ACTR3C: variants seen among roughly 807,000 people sequenced by gnomAD.
The protein encoded by ACTR3C is actin related protein 3C, also known as actin-related protein 3C.
In ACTR3C, 18 loss-of-function variants were observed where a neutral mutation model predicts 26.3. The observed-to-expected ratio is 0.68, with a 90% CI of 0.47 to 1.01. The LOEUF (loss-of-function observed/expected upper bound fraction) is 1.01. Ranked by LOEUF, ACTR3C falls within the 50% of genes least tolerant of loss-of-function variation. The probability of loss-of-function intolerance (pLI) is 0.00; values close to 1 mark genes in which losing one functional copy is unlikely to be tolerated. For synonymous variants in ACTR3C, 55 were observed against 94.5 expected, an observed-to-expected ratio of 0.58 and a Z score of 2.42; for missense variants, 184 against 250.7, an observed-to-expected ratio of 0.73 and a Z score of 1.80.
intron 1 of ACTR3C, chr7:150,323,260 C>T: frequency 4.0e-6 from 1 of 247,834 alleles, no homozygotes; most frequent in South Asian, 3.6e-5. Context: ...CGCGAAGACC[C>T]CCGCAGGCTG....
In ACTR3C at chr7:150,274,489, C is replaced by G. The variant is rs1288759430; in HGVS notation, c.564+10264G>C. 1.3e-5 allele frequency among the ~76,000 whole-genome samples: 2 copies of G among 152,212 alleles called. No individual in the cohort carries two copies. The highest frequency in any genetic ancestry group is 1.3e-4 in the Admixed American group (2 of 15,290). ...AATGTGTGTGGCTCACTTCATTGCA[C>G]CATTCACTTCACTGGGATGGTCCGA... is the stretch of plus-strand genomic sequence containing the variant. On this transcript the variant is annotated intron_variant, in intron 6 of 7. Transcript: ENST00000683684. The surrounding 1 kb of genome is among the most constrained non-coding windows in gnomAD (Gnocchi z 4.1).
At chr7:149,978,706 C>T in the ACTR3C span, among the ~76,000 whole-genome samples, 2 of 151,818 alleles carry the variant, frequency 1.3e-5, no homozygotes, top group Non-Finnish European at 2.9e-5. Context: ...GTACTGGTAA[C>T]ACTAGGCCCA....
intron 6 of ACTR3C, among the ~76,000 whole-genome samples, chr7:150,259,289 GAA>G (rs1278829263): frequency 3.1e-4 from 41 of 132,200 alleles, no homozygotes; most frequent in African/African-American, 1.5e-3. Context: ...AAGAAAGAAA[GAA>G]AAAGAAAGAA....
chr7:150,127,619 TAAAATACCAACAACTAGA>T, the ACTR3C span, among the ~76,000 whole-genome samples: 2 of 152,308 alleles, frequency 1.3e-5, no homozygotes, highest in East Asian at 3.9e-4. Context: ...AATGCTTAAA[TAAAATACCAACAACTAGA>T]AAGCAGAAAA....
chr7:149,893,058 C>T, the ACTR3C span, among the ~76,000 whole-genome samples: 45 of 152,148 alleles, frequency 3.0e-4, no homozygotes, highest in Admixed American at 1.2e-3. Context: ...AGTAAATAAT[C>T]ATATCAAACT....
At chr7:149,896,013 C>T in the ACTR3C span, among the ~76,000 whole-genome samples, 17 of 104,726 alleles carry the variant, frequency 1.6e-4, no homozygotes, top group African/African-American at 6.4e-4. Flanking sequence ...GTCTGGGCAA[C>T]ATGGTGAAAA....
the ACTR3C span, among the ~76,000 whole-genome samples, chr7:149,929,199 G>T: frequency 6.6e-6 from 1 of 152,018 alleles, no homozygotes; most frequent in African/African-American, 2.4e-5. Flanking sequence ...AGGCCAAGGC[G>T]GGTGGATTGC....
At chr7:150,321,393 G>A (rs553249965) in intron 1 of ACTR3C, among the ~76,000 whole-genome samples, 27 of 152,236 alleles carry the variant, frequency 1.8e-4, no homozygotes, top group Non-Finnish European at 2.8e-4. Flanking sequence ...TCCATATAAT[G>A]GAGAAACTAA....
the ACTR3C span, among the ~76,000 whole-genome samples, chr7:150,009,248 G>A: frequency 6.6e-6 from 1 of 152,250 alleles, no homozygotes; most frequent in Non-Finnish European, 1.5e-5. Context: ...CACTCCAAAA[G>A]TGTGGTCACA....
At chr7:150,226,234 A>G in the ACTR3C span, among the ~76,000 whole-genome samples, 4 of 152,224 alleles carry the variant, frequency 2.6e-5, no homozygotes, top group African/African-American at 4.8e-5. Context: ...TTGCTGGATC[A>G]TATGGTGAGA....
At chr7:150,124,055 C>G in the ACTR3C span, among the ~76,000 whole-genome samples, 5 of 152,164 alleles carry the variant, frequency 3.3e-5, no homozygotes, top group Non-Finnish European at 5.9e-5. Context: ...TGGGCATCCT[C>G]TTGATGAATT....
chr7:150,241,086 A>C (rs1344696121), downstream of ACTR3C, among the ~76,000 whole-genome samples: 1 of 151,972 alleles, frequency 6.6e-6, no homozygotes, highest in Non-Finnish European at 1.5e-5. Flanking sequence ...TTTATGAATC[A>C]GAAAACTCAA....
chr7:150,003,670 T>A, the ACTR3C span, among the ~76,000 whole-genome samples: 1 of 151,942 alleles, frequency 6.6e-6, no homozygotes, highest in African/African-American at 2.4e-5. Flanking sequence ...GTGTGGTATA[T>A]AGTGCAGTGT....
the ACTR3C span, among the ~76,000 whole-genome samples, chr7:149,941,853 C>T: frequency 6.6e-6 from 1 of 152,110 alleles, no homozygotes; most frequent in African/African-American, 2.4e-5. Flanking sequence ...GAAGCCCTGC[C>T]TATGGAAAAC....
the ACTR3C span, among the ~76,000 whole-genome samples, chr7:150,112,608 TCA>T: frequency 6.6e-6 from 1 of 152,136 alleles, no homozygotes; most frequent in African/African-American, 2.4e-5. Flanking sequence ...CTTGTCACCC[TCA>T]GTTTGATGCA....
At chr7:150,264,899 C>T (rs1313939800) in intron 6 of ACTR3C, 1 of 970,394 alleles carries the variant, frequency 1.0e-6, no homozygotes, top group African/African-American at 1.8e-5. Flanking sequence ...AGATCAAATA[C>T]AAAAGAGGAC....
chr7:149,906,292 G>T, the ACTR3C span, among the ~76,000 whole-genome samples: 2 of 151,156 alleles, frequency 1.3e-5, no homozygotes, highest in Non-Finnish European at 2.9e-5. Flanking sequence ...AGAGAGGGCT[G>T]ATACTCAACC....
chr7:150,120,299 G>T, the ACTR3C span, among the ~76,000 whole-genome samples: 2 of 152,032 alleles, frequency 1.3e-5, no homozygotes, highest in Non-Finnish European at 2.9e-5. Flanking sequence ...CCAGGAGCTG[G>T]TTTTTTCAAA....
chr7:150,273,541 A>G (rs1834614659), intron 6 of ACTR3C, among the ~76,000 whole-genome samples: 1 of 150,842 alleles, frequency 6.6e-6, no homozygotes, highest in African/African-American at 2.5e-5. Flanking sequence ...TGATGGGATT[A>G]CAGAGGCGTG....
Sources: allele counts gnomAD v4.1 joint callset (sites outside exome capture counted in the v4.1 genomes callset), GRCh38; gene constraint gnomAD v4.1.1; non-coding constraint Gnocchi (gnomAD v3.1); transcripts MANE v1.5; gene names NCBI Gene and HGNC (gene_info 2026-07-23, HGNC 2026-07-21).